Variants in ATP8A2 observed in about 807,000 individuals in gnomAD.
ATP8A2 encodes ATPase phospholipid transporting 8A2, also known as phospholipid-transporting ATPase IB.
Under a neutral mutation model 165.6 loss-of-function variants are expected in ATP8A2, and 100 were observed. The ratio of observed to expected loss-of-function variants is 0.60; its 90% CI spans 0.51 to 0.71. The LOEUF (loss-of-function observed/expected upper bound fraction) is 0.71. Among genes scored for constraint, ATP8A2 ranks in the 30% least tolerant of loss-of-function variants. ATP8A2 has a pLI of 0.00. For synonymous variants in ATP8A2, 543 were observed against 548.8 expected (o/e 0.99, Z 0.15); for missense variants, 1,227 against 1,479.5 (o/e 0.83, Z 2.80).
intron 23 of ATP8A2, among the ~76,000 whole-genome samples, chr13:25,588,912 C>T (rs1029325733): frequency 3.3e-5 from 5 of 152,026 alleles, no homozygotes; most frequent in Admixed American, 1.3e-4. Context: ...TCCTGAGAGG[C>T]GCTCGGCTTG....
At chr13:25,385,285 T>C (rs994698173) in intron 1 of ATP8A2, among the ~76,000 whole-genome samples, 1 of 152,198 alleles carries the variant, frequency 6.6e-6, no homozygotes, top group Non-Finnish European at 1.5e-5. Flanking sequence ...TTAGGCAAGG[T>C]TATAGTCCAG....
intron 1 of ATP8A2, among the ~76,000 whole-genome samples, chr13:25,453,904 T>A (rs1257975118): frequency 6.6e-6 from 1 of 152,208 alleles, no homozygotes; most frequent in African/African-American, 2.4e-5. Context: ...TAGATTTTCC[T>A]GAAGCTGGTA....
At chr13:25,407,596 A>G (rs1384553612) in intron 1 of ATP8A2, among the ~76,000 whole-genome samples, 1 of 152,180 alleles carries the variant, frequency 6.6e-6, no homozygotes, top group Non-Finnish European at 1.5e-5. Flanking sequence ...AGTGGTTATG[A>G]GCTTGACAAG....
intron 35 of ATP8A2, among the ~76,000 whole-genome samples, chr13:25,976,955 T>C (rs1209456116): frequency 6.6e-6 from 1 of 151,744 alleles, no homozygotes; most frequent in Admixed American, 6.6e-5. Flanking sequence ...GCCCAGCTAA[T>C]TTTTGTATTT....
intron 33 of ATP8A2, among the ~76,000 whole-genome samples, chr13:25,874,244 C>T (rs145354422): frequency 1.1e-3 from 172 of 152,284 alleles, no homozygotes; most frequent in African/African-American, 4.0e-3. Flanking sequence ...GGTGGCTTCC[C>T]ACTTCCTGGT....
intron 27 of ATP8A2, among the ~76,000 whole-genome samples, chr13:25,814,331 A>C (rs1950955150): frequency 2.0e-5 from 3 of 152,192 alleles, no homozygotes; most frequent in African/African-American, 7.2e-5. Context: ...TAGAGATTGC[A>C]TTGAGTCTGT....
intron 24 of ATP8A2, among the ~76,000 whole-genome samples, chr13:25,650,447 A>C (rs2041785065): frequency 1.3e-5 from 2 of 152,156 alleles, no homozygotes; most frequent in Admixed American, 1.3e-4. Flanking sequence ...TGGATTTTTA[A>C]ATGTAAACAA....
In ATP8A2 at chr13:25,441,721, C is replaced by G. The variant is rs796865702; in HGVS notation, c.77-27256C>G. On this transcript the variant is annotated intron_variant, in intron 1 of 36. Transcript: ENST00000381655. ...TATACTTTAAGAATTAGACTGTTTG[C>G]CTTTTCCTCAAATTTTTATGCAGTA... is the stretch of plus-strand genomic sequence containing the variant. Among the ~76,000 whole-genome samples, 4 of 152,194 alleles carry G rather than the reference C, an allele frequency of 2.6e-5. No homozygotes were observed. The East Asian group carries it at 7.7e-4, about 29-fold the overall frequency.
intron 30 of ATP8A2, among the ~76,000 whole-genome samples, chr13:25,851,430 A>G (rs539331351): frequency 6.6e-6 from 1 of 152,196 alleles, no homozygotes; most frequent in Non-Finnish European, 1.5e-5. Flanking sequence ...TAAAAATACA[A>G]AAGTTAGCCA....
At chr13:25,454,747 C>T (rs7335322) in intron 1 of ATP8A2, among the ~76,000 whole-genome samples, 1 of 151,822 alleles carries the variant, frequency 6.6e-6, no homozygotes, top group Non-Finnish European at 1.5e-5. Context: ...CGTGGTGAAA[C>T]CCCGTCTCTA....
intron 1 of ATP8A2, among the ~76,000 whole-genome samples, chr13:25,403,013 C>A (rs61947562): frequency 0.23 from 35,268 of 151,962 alleles, 4,622 homozygotes; most frequent in East Asian, 0.44. Context: ...CCCTGAATCC[C>A]TTTTATAAGG....
intron 33 of ATP8A2, among the ~76,000 whole-genome samples, chr13:25,929,313 A>G (rs1954698301): frequency 1.3e-5 from 2 of 152,082 alleles, no homozygotes; most frequent in Non-Finnish European, 2.9e-5. Context: ...CCGTTGCCAT[A>G]GTGACCATCC....
At chr13:25,490,718 GT>G (rs1566179730) in intron 2 of ATP8A2, among the ~76,000 whole-genome samples, 2 of 8,540 alleles carry the variant, frequency 2.3e-4, no homozygotes, top group Non-Finnish European at 4.7e-4. Context: ...CTACTAATTA[GT>G]TTTTTTGTTT....
At chr13:25,994,853 T>C (rs1269128494) in intron 35 of ATP8A2, among the ~76,000 whole-genome samples, 1 of 152,110 alleles carries the variant, frequency 6.6e-6, no homozygotes, top group African/African-American at 2.4e-5. Context: ...AATGTCTTTG[T>C]ATGGACTGGT....
chr13:25,660,422 A>G (rs1345918278), intron 24 of ATP8A2, among the ~76,000 whole-genome samples: 4 of 152,204 alleles, frequency 2.6e-5, no homozygotes, highest in African/African-American at 4.8e-5. Context: ...ATGTAAATGA[A>G]TAGACACCCA....
chr13:25,924,211 T>G (rs1370502535), intron 33 of ATP8A2, among the ~76,000 whole-genome samples: 1 of 152,186 alleles, frequency 6.6e-6, no homozygotes, highest in Non-Finnish European at 1.5e-5. Flanking sequence ...TGACCTCCTG[T>G]AGATATCTGG....
intron 4 of ATP8A2, among the ~76,000 whole-genome samples, chr13:25,531,236 A>ATATATGT (rs2038042393): frequency 7.0e-5 from 7 of 100,080 alleles, no homozygotes; most frequent in East Asian, 6.2e-4. Context: ...GTTATATATG[A>ATATATGT]TATATATGTT....
intron 24 of ATP8A2, among the ~76,000 whole-genome samples, chr13:25,686,983 T>C (rs991552372): frequency 6.6e-6 from 1 of 152,176 alleles, no homozygotes; most frequent in African/African-American, 2.4e-5. Context: ...CTGTAGTCGA[T>C]GTTTCATGAC....
intron 33 of ATP8A2, among the ~76,000 whole-genome samples, chr13:25,881,595 AAG>A (rs762204443): frequency 3.2e-4 from 48 of 149,238 alleles, no homozygotes; most frequent in African/African-American, 1.0e-3. Flanking sequence ...GAGAGAGAGA[AAG>A]AGAGAGAGAG....
Sources: gnomAD v4.1 joint callset for allele counts (sites outside exome capture counted in the v4.1 genomes callset) on GRCh38, gnomAD v4.1.1 for gene constraint, MANE v1.5 for transcripts, NCBI Gene and HGNC (gene_info 2026-07-23, HGNC 2026-07-21) for gene names.